C11orf65: variants seen among roughly 807,000 people sequenced by gnomAD.
C11orf65 encodes the protein protein MFI.
C11orf65 carries 38 observed loss-of-function variants against 35.3 expected under a neutral mutation model. The observed-to-expected ratio is 1.08, with a 90% CI of 0.83 to 1.41. C11orf65 has a LOEUF of 1.41. Ranked by LOEUF, C11orf65 falls within the 40% of genes most tolerant of loss-of-function variation. The probability of loss-of-function intolerance (pLI) is 0.00; values close to 1 mark genes in which losing one functional copy is unlikely to be tolerated. For synonymous variants in C11orf65, 105 were observed against 114.4 expected (o/e 0.92, Z 0.53); for missense variants, 370 against 367.1 (o/e 1.01, Z -0.06).
chr11:108,326,281 A>C (rs2136344227), intron 6 of C11orf65: 1 of 1,589,054 alleles, frequency 6.3e-7, no homozygotes, highest in Non-Finnish European at 8.6e-7. Flanking sequence ...AAAAACACAA[A>C]TGTACTTTAA....
At chr11:108,331,706 TTC>T (rs896485111) in intron 3 of C11orf65, 1 of 1,318,288 alleles carries the variant, frequency 7.6e-7, no homozygotes, top group Non-Finnish European at 1.0e-6. Flanking sequence ...GTTACTCATT[TTC>T]TCTCTCTAAT....
At position 108,447,713 on chromosome 11, in the gene C11orf65, C is replaced by T. The variant is rs1480849899; in HGVS notation, c.81+13766G>A. The stretch of plus-strand genomic sequence containing the variant: ...ATCCAAAATTGACACCCTAACATCA[C>T]AATTAAAACAACTAGAAAAGCAAGA... On this transcript the variant is annotated intron_variant, in intron 2 of 8. Coordinates refer to ENST00000393084, the MANE Select transcript of C11orf65 (RefSeq NM_152587.5). 9.2e-5 allele frequency among the ~76,000 whole-genome samples: 14 copies of T among 152,130 alleles called. No individual in the cohort carries two copies. In the East Asian group the frequency reaches 1.9e-3, roughly 21 times the overall value.
At chr11:108,435,023 C>T (rs539230383) in intron 2 of C11orf65, among the ~76,000 whole-genome samples, 4 of 152,266 alleles carry the variant, frequency 2.6e-5, no homozygotes, top group South Asian at 2.1e-4. Context: ...CAGACTAGGA[C>T]GACATCCTCT....
intron 2 of C11orf65, among the ~76,000 whole-genome samples, chr11:108,437,027 A>G (rs1206727666): frequency 2.9e-5 from 4 of 139,658 alleles, no homozygotes; most frequent in Non-Finnish European, 6.1e-5. Context: ...GGAGGCTGAC[A>G]TGGGAAGATC....
intron 5 of C11orf65, 26 bp from the exon 6 acceptor site, chr11:108,405,585 C>A (rs368769546): frequency 6.2e-7 from 1 of 1,607,886 alleles, no homozygotes; most frequent in Non-Finnish European, 8.5e-7. Context: ...AATGAACATA[C>A]AAAATGTTGA....
intron 2 of C11orf65, among the ~76,000 whole-genome samples, chr11:108,438,092 A>T (rs2093092613): frequency 6.6e-6 from 1 of 152,222 alleles, no homozygotes; most frequent in African/African-American, 2.4e-5. Context: ...GCCTCCAAAT[A>T]GACTCATATA....
rs765611189 is a variant in C11orf65, at chr11:108,383,138, G to A, written c.825C>T (p.Asn275=). 2.5e-6 allele frequency: 4 copies of A among 1,605,190 alleles called. No individual in the cohort carries two copies. The highest frequency in any genetic ancestry group is 3.5e-5 in the Admixed American group (2 of 57,180). Residue 275 remains asparagine, a synonymous_variant, in exon 9 of 9, where the codon AAC becomes AAT. Coordinates refer to ENST00000393084, the MANE Select transcript of C11orf65 (RefSeq NM_152587.5). ...GCATCTTTGATATGTCTCCTCCATA[G>A]TTATATATGTTTTTCTGTGCTTGAT... The part of the protein sequence containing the change: ...RFNQAQKNIY[N]YGGDISKMQM...
At position 108,347,346 on chromosome 11, in the gene C11orf65, A is replaced by C; in HGVS notation, c.227-12054T>G. 1 of 1,606,108 alleles carries C rather than the reference A, an allele frequency of 6.2e-7. No homozygotes were observed. The highest frequency in any genetic ancestry group is 8.5e-7 in the Non-Finnish European group (1 of 1,172,968). ...TCTTGATAAATGAGCAGTCAGCAGAACTTGTACATATAGATCTAGGTAAGT... is the reference window on the plus strand; with the variant it reads ...TCTTGATAAATGAGCAGTCAGCAGACCTTGTACATATAGATCTAGGTAAGT... On this transcript the variant is annotated intron_variant, in intron 2 of 3. Transcript: ENST00000524755.
At chr11:108,331,380 G>A (rs887280976), downstream of C11orf65, 10 of 1,564,642 alleles carry the variant, frequency 6.4e-6, no homozygotes, top group African/African-American at 1.4e-4. Flanking sequence ...TAACTTACTT[G>A]CTTAGATGTG....
At chr11:108,413,252 G>GAGTGGTCA in intron 3 of C11orf65, among the ~76,000 whole-genome samples, 1 of 152,326 alleles carries the variant, frequency 6.6e-6, no homozygotes, top group African/African-American at 2.4e-5. Context: ...ATAGAATGCA[G>GAGTGGTCA]AGTGGTCAAG....
At chr11:108,336,256 A>C (rs989183758) in intron 2 of C11orf65, 2 of 339,864 alleles carry the variant, frequency 5.9e-6, no homozygotes, top group Admixed American at 9.2e-5. Context: ...AGTGAGCTCA[A>C]ACTCTGCAGT....
chr11:108,401,725 T>A (rs970433416), intron 6 of C11orf65, among the ~76,000 whole-genome samples: 1 of 152,208 alleles, frequency 6.6e-6, no homozygotes, highest in Non-Finnish European at 1.5e-5. Flanking sequence ...ACTGGGCCAG[T>A]ACACCTAAAA....
intron 2 of C11orf65, among the ~76,000 whole-genome samples, chr11:108,364,865 A>G (rs1000419886): frequency 5.9e-5 from 9 of 152,204 alleles, no homozygotes; most frequent in Non-Finnish European, 1.3e-4. Context: ...GTCACCCCTA[A>G]CCATGGAGGA....
chr11:108,448,386 T>C (rs2093296715), intron 2 of C11orf65, among the ~76,000 whole-genome samples: 2 of 152,284 alleles, frequency 1.3e-5, no homozygotes, highest in Admixed American at 6.5e-5. Flanking sequence ...AAATCCTCAA[T>C]AAAATACTGG....
At chr11:108,448,870 T>C (rs1350123293) in intron 2 of C11orf65, among the ~76,000 whole-genome samples, 1 of 152,170 alleles carries the variant, frequency 6.6e-6, no homozygotes, top group African/African-American at 2.4e-5. Flanking sequence ...GACATGATTG[T>C]ATATCTAGAA....
At chr11:108,436,776 T>C (rs1444333858) in intron 2 of C11orf65, among the ~76,000 whole-genome samples, 1 of 152,158 alleles carries the variant, frequency 6.6e-6, no homozygotes, top group African/African-American at 2.4e-5. Flanking sequence ...TTTATTGACT[T>C]TTTAATAGAA....
intron 6 of C11orf65, among the ~76,000 whole-genome samples, chr11:108,311,703 CAAA>C (rs1215790496): frequency 8.7e-6 from 1 of 114,286 alleles, no homozygotes; most frequent in African/African-American, 3.2e-5. Flanking sequence ...ATCTCATAAA[CAAA>C]AAAAAAAAAA....
intron 6 of C11orf65, among the ~76,000 whole-genome samples, chr11:108,314,259 G>A (rs1324248223): frequency 6.6e-6 from 1 of 151,962 alleles, no homozygotes; most frequent in Admixed American, 6.6e-5. Flanking sequence ...GGGACTACAG[G>A]CATGCCCCAC....
In C11orf65 at chr11:108,393,394, G is replaced by T. The variant is rs201942470; in HGVS notation, c.561-16C>A. On this transcript the variant is annotated splice_polypyrimidine_tract_variant and intron_variant, in intron 6 of 8. Coordinates refer to ENST00000393084, the MANE Select transcript of C11orf65 (RefSeq NM_152587.5). ...TGAGTAGTACCTAAATAGGCAAAAG[G>T]GAAAGAGAAGTAAATCTTTTGAAAT... 1.7e-5 allele frequency: 28 copies of T among 1,601,248 alleles called. No homozygotes were observed. In the East Asian group the frequency reaches 6.3e-4, roughly 36 times the overall value.
Sources: allele counts gnomAD v4.1 joint callset (sites outside exome capture counted in the v4.1 genomes callset), GRCh38; gene constraint gnomAD v4.1.1; transcripts MANE v1.5; gene names NCBI Gene and HGNC (gene_info 2026-07-23, HGNC 2026-07-21).